The following NBEA variants were observed in gnomAD, a reference collection of about 807,000 sequenced individuals.
NBEA encodes the protein lysosomal-trafficking regulator 2.
A neutral mutation model predicts 343.4 loss-of-function variants in NBEA; 44 were observed. The observed-to-expected ratio is 0.13, with a 90% CI of 0.10 to 0.16. NBEA has a LOEUF of 0.16. NBEA is among the 10% of genes least tolerant of loss of function. NBEA has a pLI of 1.00. For missense variants in NBEA, 2,555 were observed against 3,631.3 expected, an observed-to-expected ratio of 0.70 and a Z score of 7.62; for synonymous variants, 1,175 against 1,238.7, an observed-to-expected ratio of 0.95 and a Z score of 1.08.
intron 1 of NBEA, among the ~76,000 whole-genome samples, chr13:35,008,467 C>T (rs1055229549): frequency 3.3e-5 from 5 of 152,044 alleles, no homozygotes; most frequent in African/African-American, 7.3e-5. Context: ...GTGTTGTTTA[C>T]GAAATAGTGA....
chr13:35,027,088 T>C (rs909819427), intron 1 of NBEA, among the ~76,000 whole-genome samples: 1 of 152,120 alleles, frequency 6.6e-6, no homozygotes, highest in African/African-American at 2.4e-5. Flanking sequence ...GTTGGTTCCT[T>C]TTTATTGCTG....
intron 1 of NBEA, among the ~76,000 whole-genome samples, chr13:34,982,372 T>G (rs1178896143): frequency 6.6e-6 from 1 of 152,134 alleles, no homozygotes; most frequent in Non-Finnish European, 1.5e-5. Flanking sequence ...CTACCTCAGC[T>G]CACTGCAACC....
intron 39 of NBEA, among the ~76,000 whole-genome samples, chr13:35,441,783 T>C (rs2045748902): frequency 7.0e-6 from 1 of 143,084 alleles, no homozygotes; most frequent in South Asian, 2.2e-4. Flanking sequence ...TGAAAATACA[T>C]GGAATGGAAA....
chr13:34,962,102 T>G (rs1292741645), intron 1 of NBEA, among the ~76,000 whole-genome samples: 1 of 152,100 alleles, frequency 6.6e-6, no homozygotes, highest in African/African-American at 2.4e-5. Context: ...ATAGAAAGTT[T>G]GAAGTTATGT....
intron 41 of NBEA, among the ~76,000 whole-genome samples, chr13:35,545,284 C>T (rs1013763510): frequency 2.6e-5 from 4 of 152,192 alleles, no homozygotes; most frequent in Non-Finnish European, 4.4e-5. Context: ...TAACTCATCA[C>T]TTGCCTGAAG....
intron 28 of NBEA, among the ~76,000 whole-genome samples, chr13:35,177,649 C>G (rs765650388): frequency 1.3e-5 from 2 of 151,730 alleles, no homozygotes; most frequent in Non-Finnish European, 3.0e-5. Context: ...ATCAGTTACT[C>G]CAGGCAAATA....
intron 48 of NBEA, among the ~76,000 whole-genome samples, chr13:35,611,610 C>T (rs2082526831): frequency 6.6e-6 from 1 of 152,180 alleles, no homozygotes; most frequent in African/African-American, 2.4e-5. Context: ...AACTGCTAAT[C>T]AACTTTTTAT....
At chr13:34,994,559 A>G (rs944567931) in intron 1 of NBEA, among the ~76,000 whole-genome samples, 1 of 152,098 alleles carries the variant, frequency 6.6e-6, no homozygotes, top group African/African-American at 2.4e-5. Flanking sequence ...TTTAATGGTT[A>G]TTTTTCAGAT....
At chr13:35,314,475 T>C (rs2037585002) in intron 36 of NBEA, among the ~76,000 whole-genome samples, 2 of 152,150 alleles carry the variant, frequency 1.3e-5, no homozygotes, top group African/African-American at 4.8e-5. Context: ...CTGGATTAGG[T>C]ACCTTTCTCT....
intron 10 of NBEA, among the ~76,000 whole-genome samples, chr13:35,092,319 C>G (rs1593317247): frequency 1.3e-5 from 2 of 151,900 alleles, no homozygotes; most frequent in Admixed American, 1.3e-4. Context: ...GTAGGCAAAG[C>G]TTTCTTAGTT....
intron 41 of NBEA, among the ~76,000 whole-genome samples, chr13:35,492,301 T>G (rs1385499457): frequency 6.6e-6 from 1 of 151,980 alleles, no homozygotes; most frequent in Non-Finnish European, 1.5e-5. Flanking sequence ...CTTACTCATG[T>G]AACCAAATAC....
chr13:35,217,244 TGA>T (rs1269234208), intron 33 of NBEA, among the ~76,000 whole-genome samples: 1 of 152,090 alleles, frequency 6.6e-6, no homozygotes, highest in Non-Finnish European at 1.5e-5. Flanking sequence ...TTTTGAACTC[TGA>T]GAGTTTTTGT....
At chr13:35,199,391 G>A (rs10492721) in intron 31 of NBEA, among the ~76,000 whole-genome samples, 4,530 of 152,208 alleles carry the variant, frequency 0.03, 101 homozygotes, top group Non-Finnish European at 0.045. Flanking sequence ...TTCAAACACA[G>A]AATCTATCAT....
At chr13:35,481,789 A>ACAAAT (rs1243012429) in intron 41 of NBEA, among the ~76,000 whole-genome samples, 1 of 151,876 alleles carries the variant, frequency 6.6e-6, no homozygotes, top group Non-Finnish European at 1.5e-5. Flanking sequence ...CCTAACCTAC[A>ACAAAT]ACATATACAC....
intron 48 of NBEA, among the ~76,000 whole-genome samples, chr13:35,618,189 G>A (rs1032562280): frequency 6.6e-5 from 10 of 152,004 alleles, no homozygotes; most frequent in Non-Finnish European, 1.0e-4. Flanking sequence ...CATTCACAGT[G>A]GTAAAAAACC....
intron 31 of NBEA, among the ~76,000 whole-genome samples, chr13:35,204,412 G>C (rs113357163): frequency 6.6e-6 from 1 of 152,064 alleles, no homozygotes; most frequent in African/African-American, 2.4e-5. Flanking sequence ...GGTAGCAAGA[G>C]AAAATGAAGA....
intron 31 of NBEA, among the ~76,000 whole-genome samples, chr13:35,198,095 G>T (rs954690548): frequency 6.6e-6 from 1 of 152,040 alleles, no homozygotes; most frequent in Non-Finnish European, 1.5e-5. Flanking sequence ...TGGTATTTTG[G>T]TATTAATATT....
intron 41 of NBEA, among the ~76,000 whole-genome samples, chr13:35,523,671 A>G (rs759789930): frequency 2.0e-5 from 3 of 152,302 alleles, no homozygotes; most frequent in Non-Finnish European, 4.4e-5. Context: ...ACAATTTTTC[A>G]AGGCATTCAC....
chr13:35,631,638 T>TAAAAAAAAAAAAAAAAAAAAAAAAAA (rs59333937), intron 49 of NBEA, among the ~76,000 whole-genome samples: 1 of 126,488 alleles, frequency 7.9e-6, no homozygotes, highest in African/African-American at 3.1e-5. Flanking sequence ...GTCTCCTTTG[T>TAAAAAAAAAAAAAAAAAAAAAAAAAA]AAAAAAAAAA....
Sources: gnomAD v4.1 joint callset for allele counts (sites outside exome capture counted in the v4.1 genomes callset) on GRCh38, gnomAD v4.1.1 for gene constraint, MANE v1.5 for transcripts, NCBI Gene and HGNC (gene_info 2026-07-23, HGNC 2026-07-21) for gene names.